Variants in LDHA observed in about 807,000 individuals in gnomAD.
LDHA encodes lactate dehydrogenase A, also known as L-lactate dehydrogenase A chain.
Under a neutral mutation model 36.3 loss-of-function variants are expected in LDHA, and 10 were observed. The observed-to-expected ratio is 0.28, with a 90% CI of 0.17 to 0.47. The LOEUF is 0.47. Among genes scored for constraint, LDHA ranks in the 20% least tolerant of loss-of-function variants. The probability of loss-of-function intolerance (pLI) is 0.99; values close to 1 mark genes in which losing one functional copy is unlikely to be tolerated. For missense variants in LDHA, 267 were observed against 405.8 expected (o/e 0.66, Z 2.94); for synonymous variants, 110 against 136.7 (o/e 0.80, Z 1.36).
In LDHA at chr11:18,406,489, G is replaced by C. The variant is rs1866686483; in HGVS notation, c.835-628G>C. On this transcript the variant is annotated intron_variant, in intron 7 of 7. Transcript: ENST00000422447. ...ATCCCAGCACTTTGGGAGGCCAAGG[G>C]GTGGATCACCTGAGGTCAGTAGTTC... 2.0e-5 allele frequency among the ~76,000 whole-genome samples: 3 copies of C among 150,430 alleles called. No homozygotes were observed. In the South Asian group the frequency reaches 6.3e-4, roughly 32 times the overall value.
At chr11:18,396,377 CG>C (rs1866301700) in intron 1 of LDHA, 1 of 400,442 alleles carries the variant, frequency 2.5e-6, no homozygotes, top group East Asian at 3.6e-5. Flanking sequence ...CGCGGATCAC[CG>C]CAGGCTCCTG....
In LDHA at chr11:18,401,951, T is replaced by TTCTCTC. The variant is rs1234424801; in HGVS notation, c.419-884_419-883insCTCTCT. Among the ~76,000 whole-genome samples the TTCTCTC allele has an allele frequency of 7.8e-3, 792 of 101,500 alleles. 54 individuals are homozygous for TTCTCTC. Among genetic ancestry groups the TTCTCTC allele is most frequent in the Middle Eastern group, 0.021 (3 of 146 alleles). 66.6% of individuals were successfully genotyped at this position (101,500 alleles called of 152,430 possible). ...GGGATAAGTTTGTGAATAATTGTTA[T>TTCTCTC]TCTCTTTTTTTTTTTTTTTTTTTTT... On this transcript the variant is annotated intron_variant, in intron 4 of 7. Coordinates refer to ENST00000422447, the MANE Select transcript of LDHA (RefSeq NM_005566.4).
Position 18,403,554 on chromosome 11 carries a change from G to A in LDHA, c.593-140G>A, listed in dbSNP as rs377663876. The A allele has an allele frequency of 5.4e-5, 38 of 704,426 alleles. 1 individual carries two copies. The East Asian group carries it at 9.8e-4, about 18-fold the overall frequency. The allele number at this position is 704,426 out of a possible 1,614,324, so 43.6% of individuals were successfully genotyped here. Reference sequence around the variant, plus strand: ...AAATGAAAATCTAATCTAAAAGTGAGTAATGACTACATTAGTAGTCTTGAC... The same window carrying A: ...AAATGAAAATCTAATCTAAAAGTGAATAATGACTACATTAGTAGTCTTGAC... On this transcript the variant is annotated intron_variant, in intron 5 of 7. Transcript: ENST00000422447.
In LDHA at chr11:18,408,009, T is replaced by C. The variant is rs1244160282; in HGVS notation, c.*728T>C. ...GAGGATGTAATAGTCAACTGAGTTG[T>C]ATTGGTACCACTTCCATTGTAAGTC... On this transcript the variant is annotated 3_prime_UTR_variant, in exon 8 of 8. Transcript: ENST00000422447. 1 of 454,128 alleles carries C rather than the reference T, an allele frequency of 2.2e-6. No individual in the cohort carries two copies. Among genetic ancestry groups the C allele is most frequent in the South Asian group, 1.6e-5 (1 of 64,480 alleles). 28.1% of individuals were successfully genotyped at this position (454,128 alleles called of 1,614,324 possible). A position where few individuals can be genotyped will look rare whatever the true frequency, so the allele number is the denominator to read the frequency against.
intron 4 of LDHA, among the ~76,000 whole-genome samples, chr11:18,401,955 C>CTCTT (rs59534512): frequency 1.9e-5 from 1 of 52,258 alleles, no homozygotes; most frequent in Non-Finnish European, 3.8e-5. Flanking sequence ...TTGTTATTCT[C>CTCTT]TTTTTTTTTT....
intron 4 of LDHA, among the ~76,000 whole-genome samples, chr11:18,402,381 C>T (rs1866539667): frequency 6.6e-6 from 1 of 152,008 alleles, no homozygotes; most frequent in Non-Finnish European, 1.5e-5. Context: ...GCAGCTTTGA[C>T]CTACTAGGCT....
chr11:18,407,019 A>G (rs1866709567), intron 7 of LDHA, 98 bp from the exon 8 acceptor site: 4 of 1,023,200 alleles, frequency 3.9e-6, no homozygotes, highest in Middle Eastern at 4.7e-4. Flanking sequence ...AAAAAATTAA[A>G]AAAAAAAAGC....
rs886048090 is a variant in LDHA, at chr11:18,407,782, C to A, written c.*501C>A. 2.2e-6 allele frequency: 1 copy of A among 456,764 alleles called. No individual in the cohort carries two copies. The highest frequency in any genetic ancestry group is 4.4e-6 in the Non-Finnish European group (1 of 228,598). The allele number at this position is 456,764 out of a possible 1,614,324, so 28.3% of individuals were successfully genotyped here. A position where few individuals can be genotyped will look rare whatever the true frequency, so the allele number is the denominator to read the frequency against. On this transcript the variant is annotated 3_prime_UTR_variant, in exon 8 of 8. Transcript: ENST00000422447. ...CATATAATGTAAAAAGATCTACATA[C>A]AAACAATGCAACCAACTATCCAAGT...
chr11:18,394,735 G>GCT, intron 1 of LDHA, 99 bp downstream of exon 1: 1 of 446,416 alleles, frequency 2.2e-6, no homozygotes, highest in South Asian at 1.6e-5. Flanking sequence ...AGGGATTCCT[G>GCT]CTCCCGGGAG....
Position 18,403,715 on chromosome 11 carries a change from A to T in LDHA, c.614A>T (p.Asn205Ile), listed in dbSNP as rs1219647514. 1 of 1,600,346 alleles carries T rather than the reference A, an allele frequency of 6.2e-7. No homozygotes were observed. The highest frequency in any genetic ancestry group is 1.3e-5 in the African/African-American group (1 of 74,682). Reference sequence around the variant, plus strand: ...TTAGTGCCTGTATGGAGTGGAATGAATGTTGCTGGTGTCTCTCTGAAGACT... The same window carrying T: ...TTAGTGCCTGTATGGAGTGGAATGATTGTTGCTGGTGTCTCTCTGAAGACT... ...DSSVPVWSGM[N>I]VAGVSLKTLH... The change falls in exon 6 of 8, where the codon AAT becomes ATT. Residue 205 changes from asparagine (N) to isoleucine (I), a missense_variant. Asn to Ile is a moderately radical substitution (Grantham distance 149). Coordinates refer to ENST00000422447, the MANE Select transcript of LDHA (RefSeq NM_005566.4).
chr11:18,404,298 A>G (rs552003093), intron 6 of LDHA, among the ~76,000 whole-genome samples: 1 of 152,208 alleles, frequency 6.6e-6, no homozygotes, highest in East Asian at 1.9e-4. Context: ...GGTCCTAGCT[A>G]CTTGAGAGGC....
At chr11:18,397,667 C>G (rs558918137) in intron 2 of LDHA, among the ~76,000 whole-genome samples, 2 of 152,034 alleles carry the variant, frequency 1.3e-5, no homozygotes, top group South Asian at 4.2e-4. Context: ...AAAAATTAGC[C>G]GGGCGTGGTG....
intron 4 of LDHA, 136 bp downstream of exon 4, chr11:18,401,146 T>A: frequency 2.8e-6 from 1 of 355,184 alleles, no homozygotes; most frequent in Non-Finnish European, 4.3e-6. Context: ...AATATTATTT[T>A]AAAATATATA....
rs1190678979 is a variant in LDHA, at chr11:18,405,561, A to G, written c.823A>G (p.Thr275Ala). Residue 275 changes from threonine (T) to alanine (A), a missense_variant, in exon 7 of 8, where the codon ACC (threonine) becomes GCC (alanine). Coordinates refer to ENST00000422447, the MANE Select transcript of LDHA (RefSeq NM_005566.4). ...KNLRRVHPVS[T>A]MIKGLYGIKD... ...TCTTAGGCGGGTGCACCCAGTTTCC[A>G]CCATGATTAAGGTAGGTCTATGTAG... The G allele has an allele frequency of 1.5e-5, 24 of 1,613,858 alleles. No individual in the cohort carries two copies. The highest frequency in any genetic ancestry group is 1.9e-5 in the Non-Finnish European group (22 of 1,179,922).
chr11:18,395,644 CCT>C (rs1266799098), intron 1 of LDHA, among the ~76,000 whole-genome samples: 1 of 152,174 alleles, frequency 6.6e-6, no homozygotes, highest in African/African-American at 2.4e-5. Context: ...GCCTAGAGGT[CCT>C]CTCGGATTTT....
At position 18,407,642 on chromosome 11, in the gene LDHA, AT is replaced by A. The variant is rs1217402316; in HGVS notation, c.*367del. 1 of 597,478 alleles carries A rather than the reference AT, an allele frequency of 1.7e-6. No homozygotes were observed. The highest frequency in any genetic ancestry group is 3.1e-6 in the Non-Finnish European group (1 of 320,038). 37.0% of individuals were successfully genotyped at this position (597,478 alleles called of 1,614,324 possible). On this transcript the variant is annotated 3_prime_UTR_variant, in exon 8 of 8. Transcript: ENST00000422447. ...CTTCACTGAACATGCCTAGTCCAACATTTTTTCCCAGTGAGTCACATCCTGG... is the reference window on the plus strand; with the variant it reads ...CTTCACTGAACATGCCTAGTCCAACATTTTTCCCAGTGAGTCACATCCTGG...
intron 4 of LDHA, among the ~76,000 whole-genome samples, chr11:18,402,244 C>T (rs901617609): frequency 4.0e-5 from 6 of 151,658 alleles, no homozygotes; most frequent in African/African-American, 1.4e-4. Context: ...CGTGAGCCAC[C>T]GTGCCCGGGC....
intron 5 of LDHA, among the ~76,000 whole-genome samples, 192 bp downstream of exon 5, chr11:18,403,205 C>T (rs941784119): frequency 3.3e-5 from 5 of 151,946 alleles, no homozygotes; most frequent in Admixed American, 6.6e-5. Flanking sequence ...CATTTTATGG[C>T]GAGGGGGACG....
chr11:18,401,252 C>A (rs981571081), intron 4 of LDHA, among the ~76,000 whole-genome samples: 3 of 150,184 alleles, frequency 2.0e-5, no homozygotes, highest in East Asian at 1.9e-4. Context: ...TGGGTTCAAG[C>A]GATTCTTTTG....
Sources: gnomAD v4.1 joint callset for allele counts (sites outside exome capture counted in the v4.1 genomes callset) on GRCh38, gnomAD v4.1.1 for gene constraint, MANE v1.5 for transcripts, NCBI Gene and HGNC (gene_info 2026-07-23, HGNC 2026-07-21) for gene names.